Variants in MTMR2 observed in about 807,000 individuals in gnomAD.
MTMR2 encodes the protein myotubularin related protein 2, also known as phosphatidylinositol-3,5-bisphosphate 3-phosphatase MTMR2.
A neutral mutation model predicts 86.9 loss-of-function variants in MTMR2; 55 were observed. The observed-to-expected ratio is 0.63, with a 90% CI of 0.51 to 0.79. The LOEUF (loss-of-function observed/expected upper bound fraction) is 0.79, where lower values mean the gene tolerates loss of function less well. MTMR2 is among the 30% of genes least tolerant of loss of function. The pLI is 0.00. For synonymous variants in MTMR2, 241 were observed against 266.8 expected, an observed-to-expected ratio of 0.90 and a Z score of 0.94; for missense variants, 659 against 772.3, an observed-to-expected ratio of 0.85 and a Z score of 1.74.
intron 7 of MTMR2, among the ~76,000 whole-genome samples, chr11:95,851,325 G>A (rs748382120): frequency 6.6e-6 from 1 of 151,312 alleles, no homozygotes; most frequent in Non-Finnish European, 1.5e-5. Context: ...TTATAGGCAT[G>A]AGCCACCACA....
At chr11:95,892,337 T>C (rs1352754729) in intron 1 of MTMR2, among the ~76,000 whole-genome samples, 1 of 152,176 alleles carries the variant, frequency 6.6e-6, no homozygotes, top group Non-Finnish European at 1.5e-5. Context: ...CAAGAAGTCT[T>C]GGAGTGTTCC....
At chr11:95,861,402 G>GTTGTTATTATTATTA (rs1555064755) in intron 5 of MTMR2, among the ~76,000 whole-genome samples, 57 of 140,970 alleles carry the variant, frequency 4.0e-4, no homozygotes, top group Admixed American at 1.1e-3. Flanking sequence ...ATTAAAGATG[G>GTTGTTATTATTATTA]TTATTATTAT....
At chr11:95,838,685 C>CT (rs1863404155) in intron 12 of MTMR2, among the ~76,000 whole-genome samples, 1 of 151,968 alleles carries the variant, frequency 6.6e-6, no homozygotes, top group African/African-American at 2.4e-5. Context: ...ATAATTGCGG[C>CT]TTTTGCCATT....
chr11:95,853,590 C>T (rs1864102867), intron 7 of MTMR2, among the ~76,000 whole-genome samples: 1 of 152,254 alleles, frequency 6.6e-6, no homozygotes, highest in Non-Finnish European at 1.5e-5. Flanking sequence ...CTATATCAAA[C>T]GTCTTTCAGC....
chr11:95,911,711 A>G (rs1448040207), intron 1 of MTMR2, among the ~76,000 whole-genome samples: 1 of 152,192 alleles, frequency 6.6e-6, no homozygotes, highest in Non-Finnish European at 1.5e-5. Flanking sequence ...TCAGATTATT[A>G]GAGCTCTGAA....
intron 2 of MTMR2, among the ~76,000 whole-genome samples, chr11:95,884,112 G>A (rs1865434673): frequency 6.6e-6 from 1 of 152,094 alleles, no homozygotes; most frequent in Non-Finnish European, 1.5e-5. Flanking sequence ...ACACACATAA[G>A]AGCCAAACCA....
At chr11:95,916,060 T>G (rs545658725) in intron 1 of MTMR2, among the ~76,000 whole-genome samples, 1 of 152,290 alleles carries the variant, frequency 6.6e-6, no homozygotes, top group East Asian at 1.9e-4. Context: ...AGCAATGTAT[T>G]ACCTCCTCTC....
chr11:95,870,704 C>CTT (rs1022051868), intron 2 of MTMR2, among the ~76,000 whole-genome samples: 1 of 109,332 alleles, frequency 9.1e-6, no homozygotes, highest in Non-Finnish European at 1.9e-5. Flanking sequence ...AACCTATCTT[C>CTT]TTTTTTTTTT....
intron 1 of MTMR2, among the ~76,000 whole-genome samples, chr11:95,922,905 TGTG>T (rs1866982064): frequency 3.8e-5 from 3 of 79,086 alleles, no homozygotes; most frequent in Admixed American, 3.0e-4. Flanking sequence ...AAATGAAAAT[TGTG>T]TGTTTTCACA....
At chr11:95,867,827 A>C (rs1482293383) in intron 2 of MTMR2, among the ~76,000 whole-genome samples, 3 of 152,048 alleles carry the variant, frequency 2.0e-5, no homozygotes, top group Non-Finnish European at 4.4e-5. Flanking sequence ...AAAAAAAAAA[A>C]AAAGACTTAC....
chr11:95,863,354 G>A (rs1864491436), intron 3 of MTMR2, among the ~76,000 whole-genome samples: 1 of 152,110 alleles, frequency 6.6e-6, no homozygotes, highest in Non-Finnish European at 1.5e-5. Context: ...CACTTCGAAG[G>A]ACTGGCTGCT....
At chr11:95,920,965 C>T (rs1395660304) in intron 1 of MTMR2, among the ~76,000 whole-genome samples, 1 of 152,116 alleles carries the variant, frequency 6.6e-6, no homozygotes, top group African/African-American at 2.4e-5. Context: ...CTTCCTACTT[C>T]CCAAAAGGGC....
chr11:95,902,991 T>C (rs188607504), intron 1 of MTMR2, among the ~76,000 whole-genome samples: 70 of 152,292 alleles, frequency 4.6e-4, no homozygotes, highest in African/African-American at 1.6e-3. Flanking sequence ...TTACCATAAT[T>C]CTTTCCAGTG....
chr11:95,847,955 G>A, intron 9 of MTMR2, 56 bp from the exon 10 acceptor site: 1 of 1,502,374 alleles, frequency 6.7e-7, no homozygotes. Context: ...CTGTAAACAA[G>A]TGACATAAAA....
intron 2 of MTMR2, among the ~76,000 whole-genome samples, chr11:95,881,542 A>C (rs1403671181): frequency 1.3e-5 from 2 of 152,116 alleles, no homozygotes; most frequent in African/African-American, 4.8e-5. Flanking sequence ...TTTCTTCATA[A>C]AGTTCTTCTA....
At chr11:95,840,479 A>G (rs146891155) in intron 12 of MTMR2, among the ~76,000 whole-genome samples, 1 of 152,262 alleles carries the variant, frequency 6.6e-6, no homozygotes, top group African/African-American at 2.4e-5. Context: ...AGAAAGTATT[A>G]AACACTGCAC....
At chr11:95,906,084 G>A (rs1279426609) in intron 1 of MTMR2, among the ~76,000 whole-genome samples, 1 of 152,134 alleles carries the variant, frequency 6.6e-6, no homozygotes, top group Non-Finnish European at 1.5e-5. Context: ...AGTTAGCCAG[G>A]TGTGGTGGCA....
At chr11:95,896,758 A>G (rs1475922151) in intron 1 of MTMR2, among the ~76,000 whole-genome samples, 1 of 152,064 alleles carries the variant, frequency 6.6e-6, no homozygotes, top group African/African-American at 2.4e-5. Flanking sequence ...GGGAAGGTGG[A>G]AGTCTAGTTT....
chr11:95,850,045 T>C (rs1416220271), intron 8 of MTMR2, among the ~76,000 whole-genome samples, 183 bp from the exon 9 acceptor site: 1 of 152,212 alleles, frequency 6.6e-6, no homozygotes. Flanking sequence ...GTGGAAAACT[T>C]GGTCTAATTC....
Sources: allele counts gnomAD v4.1 joint callset (sites outside exome capture counted in the v4.1 genomes callset), GRCh38; gene constraint gnomAD v4.1.1; transcripts MANE v1.5; gene names NCBI Gene and HGNC (gene_info 2026-07-23, HGNC 2026-07-21).